SDCCAG8: variants seen among roughly 807,000 people sequenced by gnomAD.
SDCCAG8 encodes SHH signaling and ciliogenesis regulator SDCCAG8.
Under a neutral mutation model 101.8 loss-of-function variants are expected in SDCCAG8, and 74 were observed. The ratio of observed to expected loss-of-function variants is 0.73; its 90% CI spans 0.60 to 0.88. SDCCAG8 has a LOEUF of 0.88. Among genes scored for constraint, SDCCAG8 ranks in the 40% least tolerant of loss-of-function variants. The pLI, the probability that SDCCAG8 is intolerant of heterozygous loss-of-function variation, is 0.00. For synonymous variants in SDCCAG8, 281 were observed against 292.9 expected (o/e 0.96, Z 0.41); for missense variants, 787 against 822.6 (o/e 0.96, Z 0.53).
At chr1:243,417,915 A>G (rs1009540017) in intron 14 of SDCCAG8, 53 bp from the exon 15 acceptor site, 5 of 1,316,742 alleles carry the variant, frequency 3.8e-6, no homozygotes, top group African/African-American at 2.9e-5. Context: ...GAAGCACTGC[A>G]GAGCGACAAC....
chr1:243,294,526 A>AGAGAGAGAG (rs1553298249), intron 6 of SDCCAG8, among the ~76,000 whole-genome samples: 3 of 147,560 alleles, frequency 2.0e-5, no homozygotes. Flanking sequence ...AGAGAGAGAG[A>AGAGAGAGAG]ACAACCCACC....
chr1:243,286,028 G>C (rs1014852256), intron 4 of SDCCAG8, among the ~76,000 whole-genome samples: 1 of 152,178 alleles, frequency 6.6e-6, no homozygotes, highest in Non-Finnish European at 1.5e-5. Flanking sequence ...TTGGAGAAAA[G>C]GAAATTGTCA....
At chr1:243,328,811 T>G (rs2074391608) in intron 9 of SDCCAG8, among the ~76,000 whole-genome samples, 1 of 152,228 alleles carries the variant, frequency 6.6e-6, no homozygotes, top group African/African-American at 2.4e-5. Flanking sequence ...TGCTTGTTCT[T>G]TAGTTGACTG....
At chr1:243,284,608 G>A (rs911907555) in intron 4 of SDCCAG8, among the ~76,000 whole-genome samples, 58 of 152,292 alleles carry the variant, frequency 3.8e-4, no homozygotes, top group African/African-American at 1.3e-3. Flanking sequence ...TCTCCCACAC[G>A]GAATGCAAGA....
chr1:243,316,363 C>G (rs1173656311), intron 8 of SDCCAG8, among the ~76,000 whole-genome samples: 1 of 152,134 alleles, frequency 6.6e-6, no homozygotes, highest in Non-Finnish European at 1.5e-5. Flanking sequence ...ATGGACAAAG[C>G]CTCAGTCCTT....
At chr1:243,260,185 A>G (rs1327559294) in intron 1 of SDCCAG8, among the ~76,000 whole-genome samples, 1 of 152,180 alleles carries the variant, frequency 6.6e-6, no homozygotes, top group Non-Finnish European at 1.5e-5. Flanking sequence ...GCCCCCACAG[A>G]TCTGTTGTAT....
At chr1:243,442,615 A>T (rs920304168) in intron 16 of SDCCAG8, among the ~76,000 whole-genome samples, 1 of 148,610 alleles carries the variant, frequency 6.7e-6, no homozygotes, top group Admixed American at 6.8e-5. Flanking sequence ...AAGAACATTA[A>T]AAAAAAAAAA....
At chr1:243,313,536 C>T (rs1371599639) in intron 8 of SDCCAG8, among the ~76,000 whole-genome samples, 3 of 152,206 alleles carry the variant, frequency 2.0e-5, no homozygotes, top group Non-Finnish European at 4.4e-5. Context: ...ATCTTTCTGC[C>T]TCAGCTGCTC....
chr1:243,267,028 A>G (rs2067666021), intron 1 of SDCCAG8, among the ~76,000 whole-genome samples: 1 of 151,772 alleles, frequency 6.6e-6, no homozygotes, highest in Non-Finnish European at 1.5e-5. Flanking sequence ...GCGGATCACA[A>G]AGTCAGGAGA....
At chr1:243,330,475 A>G in intron 9 of SDCCAG8, 65 bp from the exon 10 acceptor site, 2 of 1,524,406 alleles carry the variant, frequency 1.3e-6, no homozygotes, top group Non-Finnish European at 1.8e-6. Flanking sequence ...AAGCTTAATT[A>G]TGTCATTTTA....
rs557417754 is a variant in SDCCAG8 at position 243,386,627 on chromosome 1, T to A, written c.1616+7764T>A. 2.6e-5 allele frequency among the ~76,000 whole-genome samples: 4 copies of A among 152,038 alleles called. No homozygotes were observed. The South Asian group carries it at 8.3e-4, about 32-fold the overall frequency. On this transcript the variant is annotated intron_variant, in intron 13 of 17. Transcript: ENST00000366541. ...AATTAGCTGGGCATGATGGCACACG[T>A]CCGTAGTCCCAGCTACTCAGGAGGC...
At chr1:243,485,630 G>C (rs1340466032) in intron 16 of SDCCAG8, among the ~76,000 whole-genome samples, 1 of 152,218 alleles carries the variant, frequency 6.6e-6, no homozygotes, top group Non-Finnish European at 1.5e-5. Flanking sequence ...TCTCAGCCAG[G>C]CGCGGTGGCT....
At chr1:243,289,923 C>T (rs2070054952) in intron 5 of SDCCAG8, among the ~76,000 whole-genome samples, 1 of 151,970 alleles carries the variant, frequency 6.6e-6, no homozygotes, top group East Asian at 1.9e-4. Flanking sequence ...AGACTTTCAA[C>T]TTTTGGTCTA....
rs921959148 is a variant in SDCCAG8, at chr1:243,439,744, A to G, written c.1985+13186A>G. 3.3e-5 allele frequency among the ~76,000 whole-genome samples: 5 copies of G among 152,160 alleles called. No homozygotes were observed. The South Asian group carries it at 8.3e-4, about 25-fold the overall frequency. On this transcript the variant is annotated intron_variant, in intron 16 of 17. Coordinates refer to ENST00000366541, the MANE Select transcript of SDCCAG8 (RefSeq NM_006642.5). Reference sequence around the variant, plus strand: ...GGAAATTGAGGCTCTGAGAAGTTATATAACTTACCCAACATCACATAGCTA... The same window carrying G: ...GGAAATTGAGGCTCTGAGAAGTTATGTAACTTACCCAACATCACATAGCTA...
At chr1:243,346,206 G>T (rs1050583047) in intron 12 of SDCCAG8, 1 of 154,352 alleles carries the variant, frequency 6.5e-6, no homozygotes, top group African/African-American at 2.4e-5. Flanking sequence ...TGGTCTTTCA[G>T]CCATGACCTG....
intron 13 of SDCCAG8, among the ~76,000 whole-genome samples, chr1:243,391,591 A>C (rs1444812085): frequency 2.0e-5 from 3 of 152,316 alleles, no homozygotes; most frequent in East Asian, 3.9e-4. Flanking sequence ...GTAGAGAGAG[A>C]GAGCCACAGG....
Position 243,310,492 on chromosome 1 carries a change from A to G in SDCCAG8, c.929+2315A>G, listed in dbSNP as rs143520623. 2.5e-3 allele frequency among the ~76,000 whole-genome samples: 374 copies of G among 152,314 alleles called. 3 individuals carry two copies. Among genetic ancestry groups the G allele is most frequent in the African/African-American group, 8.4e-3 (349 of 41,566 alleles). ...AACAAGAACAGAGCTGTACCTTACA[A>G]AAATAAATTCATGGTAGTTTAAAGG... On this transcript the variant is annotated intron_variant, in intron 8 of 17. Transcript: ENST00000366541.
At chr1:243,341,788 A>G (rs2075395025) in intron 11 of SDCCAG8, among the ~76,000 whole-genome samples, 1 of 152,224 alleles carries the variant, frequency 6.6e-6, no homozygotes. Context: ...ACTGGCAATG[A>G]TTAAGATACA....
In SDCCAG8 at chr1:243,297,002, T is replaced by A. The variant is rs142921880; in HGVS notation, c.675+3783T>A. On this transcript the variant is annotated intron_variant, in intron 6 of 17. Transcript: ENST00000366541. ...TCAGTAAAGTACACAAAACAAAAAT[T>A]TACAGCTCAAAGATTTATCTGTAAA... Among the ~76,000 whole-genome samples the A allele has an allele frequency of 9.5e-4, 145 of 152,262 alleles. 1 individual carries two copies. The East Asian group carries it at 0.026, about 27-fold the overall frequency.
Sources: allele counts gnomAD v4.1 joint callset (sites outside exome capture counted in the v4.1 genomes callset), GRCh38; gene constraint gnomAD v4.1.1; transcripts MANE v1.5; gene names NCBI Gene and HGNC (gene_info 2026-07-23, HGNC 2026-07-21).